JPH1: variants seen among roughly 807,000 people sequenced by gnomAD.
JPH1 encodes junctophilin-1.
Under a neutral mutation model 53.6 loss-of-function variants are expected in JPH1, and 12 were observed. The ratio of observed to expected loss-of-function variants is 0.22; its 90% CI spans 0.14 to 0.36. The LOEUF (loss-of-function observed/expected upper bound fraction) is 0.36, where lower values mean the gene tolerates loss of function less well. Among genes scored for constraint, JPH1 ranks in the 10% least tolerant of loss-of-function variants. JPH1 has a pLI of 1.00. For missense variants in JPH1, 808 were observed against 905.5 expected (o/e 0.89, Z 1.38); for synonymous variants, 375 against 363.8 (o/e 1.03, Z -0.35).
chr8:74,319,237 G>A (rs1027990983), intron 1 of JPH1, among the ~76,000 whole-genome samples: 62 of 152,206 alleles, frequency 4.1e-4, no homozygotes, highest in African/African-American at 1.5e-3. Flanking sequence ...TCTTTAAAAG[G>A]AGACGATTTT....
intron 2 of JPH1, among the ~76,000 whole-genome samples, chr8:74,309,833 G>C (rs1236900772): frequency 6.6e-6 from 1 of 152,218 alleles, no homozygotes; most frequent in Non-Finnish European, 1.5e-5. Flanking sequence ...CACTGAATGT[G>C]GGGGGCTTGG....
Position 74,320,759 on chromosome 8 carries a change from G to A in JPH1, c.379+150C>T, listed in dbSNP as rs1312577321. The A allele has an allele frequency of 1.1e-6, 1 of 940,980 alleles. No homozygotes were observed. The highest frequency in any genetic ancestry group is 1.5e-6 in the Non-Finnish European group (1 of 679,702). 58.3% of individuals were successfully genotyped at this position (940,980 alleles called of 1,614,324 possible). A position where few individuals can be genotyped will look rare whatever the true frequency, so the allele number is the denominator to read the frequency against. On this transcript the variant is annotated intron_variant, in intron 1 of 5. Coordinates refer to ENST00000342232, the MANE Select transcript of JPH1 (RefSeq NM_020647.4). This position sits in a 1 kb window ranked among gnomAD's most constrained non-coding sequence, Gnocchi z 4.4. Reference sequence around the variant, plus strand: ...TCCCAGCGCCCTCTCTGGGAAAGGCGGGCGCGGGCGCGGGGGTGGGAGGCG... The same window carrying A: ...TCCCAGCGCCCTCTCTGGGAAAGGCAGGCGCGGGCGCGGGGGTGGGAGGCG...
intron 2 of JPH1, among the ~76,000 whole-genome samples, chr8:74,300,642 G>C (rs1172481950): frequency 6.6e-6 from 1 of 152,114 alleles, no homozygotes; most frequent in Non-Finnish European, 1.5e-5. Flanking sequence ...ACCATCTTCT[G>C]ATTGAGGAAA....
chr8:74,314,836 A>C, intron 2 of JPH1, 25 bp downstream of exon 2: 5 of 1,612,520 alleles, frequency 3.1e-6, no homozygotes, highest in Non-Finnish European at 4.2e-6. Context: ...AACCCAGCAA[A>C]ACCAACCACC....
At chr8:74,286,804 G>A (rs1216226843) in intron 2 of JPH1, among the ~76,000 whole-genome samples, 3 of 152,202 alleles carry the variant, frequency 2.0e-5, no homozygotes, top group African/African-American at 7.2e-5. Context: ...TTGATGGTTA[G>A]TTAAATGGTG....
At chr8:74,302,180 A>G (rs1807702320) in intron 2 of JPH1, among the ~76,000 whole-genome samples, 1 of 152,246 alleles carries the variant, frequency 6.6e-6, no homozygotes, top group South Asian at 2.1e-4. Context: ...TCAGACCACA[A>G]GAAGAGAACA....
chr8:74,248,977 C>T (rs1246889146), intron 3 of JPH1, among the ~76,000 whole-genome samples: 1 of 152,166 alleles, frequency 6.6e-6, no homozygotes, highest in Non-Finnish European at 1.5e-5. Flanking sequence ...AGGATTTTCT[C>T]CCCCTGGAGA....
chr8:74,274,212 G>A (rs1373249911), intron 2 of JPH1, among the ~76,000 whole-genome samples: 1 of 152,142 alleles, frequency 6.6e-6, no homozygotes, highest in East Asian at 1.9e-4. Flanking sequence ...CCCAATAGGT[G>A]GGGCAGTGGG....
intron 2 of JPH1, among the ~76,000 whole-genome samples, chr8:74,268,873 A>T (rs1983532): frequency 7.2e-5 from 11 of 152,044 alleles, no homozygotes; most frequent in African/African-American, 2.2e-4. Context: ...ACCAAGTGAT[A>T]GGATCATAAA....
rs746589129 is a variant in JPH1, at chr8:74,315,454, G to C, written c.546C>G (p.Ala182=). 6 of 1,608,708 alleles carry C rather than the reference G, an allele frequency of 3.7e-6. No individual in the cohort carries two copies. Among genetic ancestry groups the C allele is most frequent in the Non-Finnish European group, 5.1e-6 (6 of 1,178,072 alleles). The change falls in exon 2 of 6, where the codon GCC becomes GCG. Residue 182 remains alanine (A), a synonymous_variant. Coordinates refer to ENST00000342232, the MANE Select transcript of JPH1 (RefSeq NM_020647.4). This position sits in a 1 kb window ranked among gnomAD's most constrained non-coding sequence, Gnocchi z 6.3. ...NGSVLHDAAA[A]ADSPAGTRGG... ...CGCGGGTGCCGGCCGGGCTGTCGGC[G>C]GCGGCTGCGGCGTCGTGGAGCACGC...
At chr8:74,307,257 CAACATTTTCCTAAAT>C (rs1807866262) in intron 2 of JPH1, among the ~76,000 whole-genome samples, 1 of 152,136 alleles carries the variant, frequency 6.6e-6, no homozygotes, top group South Asian at 2.1e-4. Flanking sequence ...TCTAGGATTG[CAACATTTTCCTAAAT>C]AACAACTGCT....
At position 74,236,916 on chromosome 8, in the gene JPH1, C is replaced by T; in HGVS notation, c.*135G>A. The T allele has an allele frequency of 4.1e-6, 1 of 242,546 alleles. No homozygotes were observed. 15.0% of individuals were successfully genotyped at this position (242,546 alleles called of 1,614,324 possible). ...CCAAGTTTCATCTCTCTCGCGATCC[C>T]ATCCTAATTCCAAGCCTCCTTCCCT... On this transcript the variant is annotated 3_prime_UTR_variant, in exon 6 of 6. Coordinates refer to ENST00000342232, the MANE Select transcript of JPH1 (RefSeq NM_020647.4).
intron 3 of JPH1, among the ~76,000 whole-genome samples, chr8:74,256,707 G>C (rs1806250328): frequency 6.6e-6 from 1 of 152,132 alleles, no homozygotes; most frequent in Non-Finnish European, 1.5e-5. Flanking sequence ...AAACCACAAT[G>C]AGATGTCATC....
In JPH1 at chr8:74,310,196, T is replaced by C. The variant is rs549982374; in HGVS notation, c.1139+4665A>G. Among the ~76,000 whole-genome samples the C allele has an allele frequency of 8.7e-4, 132 of 152,134 alleles. 1 individual carries two copies. The highest frequency in any genetic ancestry group is 3.2e-3 in the African/African-American group (131 of 41,484). The stretch of plus-strand genomic sequence containing the variant: ...GGGATCCAGAACTAGAGGTGGTATG[T>C]CAGCTACTAGCATGGAGCAGTCTCA... On this transcript the variant is annotated intron_variant, in intron 2 of 5. Transcript: ENST00000342232.
At chr8:74,259,661 A>G (rs1262777606) in intron 2 of JPH1, among the ~76,000 whole-genome samples, 158 bp from the exon 3 acceptor site, 1 of 152,242 alleles carries the variant, frequency 6.6e-6, no homozygotes, top group Non-Finnish European at 1.5e-5. Flanking sequence ...TGAAATTTCA[A>G]TGAAGATGAC....
intron 2 of JPH1, among the ~76,000 whole-genome samples, chr8:74,275,005 T>C (rs141611480): frequency 1.3e-5 from 2 of 152,334 alleles, no homozygotes; most frequent in East Asian, 1.9e-4. Flanking sequence ...GCCTGGGCTA[T>C]GAGAATTTTC....
intron 2 of JPH1, among the ~76,000 whole-genome samples, chr8:74,294,785 C>G (rs1464037318): frequency 1.3e-5 from 2 of 152,236 alleles, no homozygotes; most frequent in Non-Finnish European, 2.9e-5. Flanking sequence ...AACATTTACT[C>G]TAACATGAAA....
intron 2 of JPH1, among the ~76,000 whole-genome samples, chr8:74,283,453 G>T (rs1446020433): frequency 1.3e-5 from 2 of 152,130 alleles, no homozygotes; most frequent in East Asian, 3.9e-4. Flanking sequence ...TGCACTGATG[G>T]TTGCATACAG....
intron 2 of JPH1, among the ~76,000 whole-genome samples, chr8:74,314,116 C>T (rs1457148526): frequency 6.6e-6 from 1 of 152,180 alleles, no homozygotes; most frequent in Non-Finnish European, 1.5e-5. Flanking sequence ...CCAACCTTGG[C>T]ACATTGAGAG....
Sources: allele counts gnomAD v4.1 joint callset (sites outside exome capture counted in the v4.1 genomes callset), GRCh38; gene constraint gnomAD v4.1.1; non-coding constraint Gnocchi (gnomAD v3.1); transcripts MANE v1.5; gene names NCBI Gene and HGNC (gene_info 2026-07-23, HGNC 2026-07-21).